NWD2: variants seen among roughly 807,000 people sequenced by gnomAD.
NWD2 encodes the protein NACHT and WD repeat domain-containing protein 2.
A neutral mutation model predicts 132.7 loss-of-function variants in NWD2; 37 were observed. The ratio of observed to expected loss-of-function variants is 0.28; its 90% CI spans 0.21 to 0.37. The LOEUF (loss-of-function observed/expected upper bound fraction) is 0.37, where lower values mean the gene tolerates loss of function less well. Among genes scored for constraint, NWD2 ranks in the 10% least tolerant of loss-of-function variants. The pLI is 1.00. For missense variants in NWD2, 1,592 were observed against 2,122.4 expected, an observed-to-expected ratio of 0.75 and a Z score of 4.91; for synonymous variants, 705 against 803.0, an observed-to-expected ratio of 0.88 and a Z score of 2.06.
At chr4:37,320,814 G>T (rs1323928592) in intron 1 of NWD2, among the ~76,000 whole-genome samples, 3 of 152,160 alleles carry the variant, frequency 2.0e-5, no homozygotes, top group African/African-American at 4.8e-5. Context: ...TTTAGCAGAG[G>T]ATCTATAGTG....
chr4:37,412,660 C>T (rs1394535843), intron 3 of NWD2, among the ~76,000 whole-genome samples: 1 of 151,880 alleles, frequency 6.6e-6, no homozygotes, highest in East Asian at 1.9e-4. Flanking sequence ...ACAAAAATAG[C>T]CCAAATAGCA....
intron 3 of NWD2, among the ~76,000 whole-genome samples, chr4:37,421,635 A>G (rs1372515786): frequency 2.0e-5 from 3 of 152,242 alleles, no homozygotes; most frequent in African/African-American, 7.2e-5. Context: ...AAGAAATGTG[A>G]TTGAAGCATC....
chr4:37,293,913 T>G (rs1718420940), intron 1 of NWD2, among the ~76,000 whole-genome samples: 2 of 151,464 alleles, frequency 1.3e-5, no homozygotes, highest in African/African-American at 2.4e-5. Context: ...ATTTGGACTT[T>G]AAAATTCAGA....
chr4:37,359,182 A>G lies in NWD2; in HGVS notation c.357+2700A>G, dbSNP rs73130371. ...GAATAAATAAAGACTTTGCAAGTTT[A>G]TGCAGGTTATGAGAGCAAAGGTTAG... On this transcript the variant is annotated intron_variant, in intron 3 of 6. Coordinates refer to ENST00000309447, the MANE Select transcript of NWD2 (RefSeq NM_001144990.2). 3.1e-3 allele frequency among the ~76,000 whole-genome samples: 478 copies of G among 152,300 alleles called. 3 individuals are homozygous for G. Among genetic ancestry groups the G allele is most frequent in the African/African-American group, 0.011 (463 of 41,570 alleles).
At chr4:37,343,290 A>G (rs1479375924) in intron 2 of NWD2, among the ~76,000 whole-genome samples, 1 of 152,242 alleles carries the variant, frequency 6.6e-6, no homozygotes, top group African/African-American at 2.4e-5. Flanking sequence ...TTAGAAAGCT[A>G]TGTCCTTAGT....
At chr4:37,316,217 A>G (rs929769013) in intron 1 of NWD2, among the ~76,000 whole-genome samples, 3 of 152,052 alleles carry the variant, frequency 2.0e-5, no homozygotes, top group Non-Finnish European at 2.9e-5. Flanking sequence ...TTGGTGATGT[A>G]AGTATTTTGC....
intron 3 of NWD2, among the ~76,000 whole-genome samples, chr4:37,403,811 G>A (rs1195530711): frequency 6.6e-6 from 1 of 152,204 alleles, no homozygotes; most frequent in East Asian, 1.9e-4. Context: ...TTCAAGTCAT[G>A]TGCAGTTTGT....
chr4:37,380,168 T>G (rs749608965), intron 3 of NWD2, among the ~76,000 whole-genome samples: 2 of 152,246 alleles, frequency 1.3e-5, no homozygotes, highest in Non-Finnish European at 2.9e-5. Context: ...AAATAAACGT[T>G]CAGATTAACT....
At chr4:37,404,440 G>C (rs899136286) in intron 3 of NWD2, among the ~76,000 whole-genome samples, 1 of 152,068 alleles carries the variant, frequency 6.6e-6, no homozygotes, top group Admixed American at 6.6e-5. Flanking sequence ...TTTTTATCCA[G>C]TGGAGGCCAG....
chr4:37,375,769 G>C (rs1344951837), intron 3 of NWD2, among the ~76,000 whole-genome samples: 1 of 152,074 alleles, frequency 6.6e-6, no homozygotes, highest in Middle Eastern at 3.4e-3. Context: ...GGGTTTCACC[G>C]TGTTAGCCAG....
chr4:37,313,488 T>G (rs1044201393), intron 1 of NWD2, among the ~76,000 whole-genome samples: 1 of 149,160 alleles, frequency 6.7e-6, no homozygotes, highest in Non-Finnish European at 1.5e-5. Context: ...CCTTTATCAT[T>G]TTTTATTGTG....
chr4:37,251,230 G>T (rs1021959066), intron 1 of NWD2, among the ~76,000 whole-genome samples: 2 of 152,170 alleles, frequency 1.3e-5, no homozygotes, highest in Non-Finnish European at 2.9e-5. Flanking sequence ...AGTGAGCTGA[G>T]ATCACACCAC....
intron 2 of NWD2, among the ~76,000 whole-genome samples, chr4:37,346,372 A>G (rs1030900952): frequency 2.6e-5 from 4 of 152,178 alleles, no homozygotes; most frequent in African/African-American, 9.7e-5. Context: ...ATTGATTACT[A>G]TGTCTATCCT....
At chr4:37,427,554 T>C (rs536649119) in intron 3 of NWD2, among the ~76,000 whole-genome samples, 6 of 152,344 alleles carry the variant, frequency 3.9e-5, no homozygotes, top group East Asian at 3.9e-4. Context: ...TTCAGGCTAA[T>C]ACAGTGGGTT....
intron 1 of NWD2, among the ~76,000 whole-genome samples, chr4:37,295,872 A>T (rs779914406): frequency 6.6e-6 from 1 of 152,162 alleles, no homozygotes; most frequent in East Asian, 1.9e-4. Context: ...TTTTATTTGG[A>T]TGTACAGTCA....
chr4:37,250,776 C>T (rs1717342108), intron 1 of NWD2, among the ~76,000 whole-genome samples: 1 of 152,140 alleles, frequency 6.6e-6, no homozygotes, highest in Non-Finnish European at 1.5e-5. Flanking sequence ...GGAAATGTGT[C>T]CTTAGTCAAT....
chr4:37,304,327 T>C (rs1008080804), intron 1 of NWD2, among the ~76,000 whole-genome samples: 5 of 152,150 alleles, frequency 3.3e-5, no homozygotes, highest in Admixed American at 2.0e-4. Flanking sequence ...TGATATGAGA[T>C]TTGGGTGGAG....
chr4:37,357,859 G>A (rs1326718679), intron 3 of NWD2, among the ~76,000 whole-genome samples: 1 of 152,104 alleles, frequency 6.6e-6, no homozygotes, highest in Non-Finnish European at 1.5e-5. Flanking sequence ...CTGATAAGGT[G>A]ACTCTGAAGG....
chr4:37,435,909 A>C (rs567951536), intron 5 of NWD2, among the ~76,000 whole-genome samples: 1 of 152,232 alleles, frequency 6.6e-6, no homozygotes. Context: ...TGACGTGCCA[A>C]CTCTTTCAAA....
Sources: gnomAD v4.1 joint callset for allele counts (sites outside exome capture counted in the v4.1 genomes callset) on GRCh38, gnomAD v4.1.1 for gene constraint, MANE v1.5 for transcripts, NCBI Gene and HGNC (gene_info 2026-07-23, HGNC 2026-07-21) for gene names.